Variants in OTOGL observed in about 807,000 individuals in gnomAD.
OTOGL encodes otogelin-like protein.
A neutral mutation model predicts 318.5 loss-of-function variants in OTOGL; 285 were observed. The observed-to-expected ratio is 0.89, with a 90% CI of 0.81 to 0.99. The LOEUF (loss-of-function observed/expected upper bound fraction) is 0.99. Among genes scored for constraint, OTOGL ranks in the 50% least tolerant of loss-of-function variants. OTOGL has a pLI of 0.00. For synonymous variants in OTOGL, 987 were observed against 936.5 expected, an observed-to-expected ratio of 1.05 and a Z score of -0.99; for missense variants, 2,899 against 2,845.6, an observed-to-expected ratio of 1.02 and a Z score of -0.43.
chr12:80,124,067 T>A (rs1302230416), intron 1 of OTOGL, among the ~76,000 whole-genome samples: 2 of 152,224 alleles, frequency 1.3e-5, no homozygotes, highest in Admixed American at 6.5e-5. Flanking sequence ...TCAATTTGGC[T>A]TTTATTGCCA....
intron 46 of OTOGL, 37 bp from the exon 47 acceptor site, chr12:80,355,699 A>C: frequency 6.5e-7 from 1 of 1,534,082 alleles, no homozygotes; most frequent in Non-Finnish European, 8.9e-7. Context: ...TTTAGTGCCC[A>C]GGTTTTGAGT....
Position 80,377,845 on chromosome 12 carries a change from C to G in OTOGL, c.6862-3C>G. Reference sequence around the variant, plus strand: ...CTTTTTTTCTCATTGTCACTTCTTACAGATAAATGTTGCATCTTGTGACGG... The same window carrying G: ...CTTTTTTTCTCATTGTCACTTCTTAGAGATAAATGTTGCATCTTGTGACGG... On this transcript the variant is annotated splice_region_variant and splice_polypyrimidine_tract_variant and intron_variant, in intron 58 of 58. Coordinates refer to ENST00000547103, the MANE Select transcript of OTOGL (RefSeq NM_001378609.3). 1 of 1,599,708 alleles carries G rather than the reference C, an allele frequency of 6.3e-7. No homozygotes were observed. Among genetic ancestry groups the G allele is most frequent in the Non-Finnish European group, 8.6e-7 (1 of 1,169,364 alleles).
intron 36 of OTOGL, 34 bp from the exon 37 acceptor site, chr12:80,329,017 C>A: frequency 6.5e-7 from 1 of 1,539,440 alleles, no homozygotes; most frequent in East Asian, 2.3e-5. Context: ...TATGCAAATA[C>A]AGTTTTATAA....
intron 5 of OTOGL, among the ~76,000 whole-genome samples, chr12:80,218,435 G>A (rs907363469): frequency 1.3e-5 from 2 of 152,142 alleles, no homozygotes; most frequent in African/African-American, 2.4e-5. Context: ...TCTTGCCTTC[G>A]GCAGAACTGT....
chr12:80,208,683 T>C (rs17006491), intron 1 of OTOGL, among the ~76,000 whole-genome samples: 5,613 of 152,258 alleles, frequency 0.037, 363 homozygotes, highest in African/African-American at 0.13. Context: ...TGGGTATTTG[T>C]CACAGAGGAT....
At chr12:80,239,093 C>G in intron 10 of OTOGL, 115 bp downstream of exon 10, 1 of 1,237,486 alleles carries the variant, frequency 8.1e-7, no homozygotes, top group Non-Finnish European at 1.1e-6. Flanking sequence ...AATATTATAT[C>G]CAGGAAATGT....
chr12:80,280,096 A>T (rs1884113589), intron 26 of OTOGL, among the ~76,000 whole-genome samples: 1 of 151,478 alleles, frequency 6.6e-6, no homozygotes, highest in Admixed American at 6.6e-5. Flanking sequence ...GCATGTATGT[A>T]TTCTTTTGAG....
chr12:80,273,228 T>A (rs2137595718), intron 24 of OTOGL, among the ~76,000 whole-genome samples: 1 of 152,244 alleles, frequency 6.6e-6, no homozygotes, highest in East Asian at 1.9e-4. Flanking sequence ...TTTGGAAATA[T>A]TTTATTAAGA....
intron 55 of OTOGL, among the ~76,000 whole-genome samples, chr12:80,369,508 C>T (rs1440423261): frequency 6.6e-6 from 1 of 152,026 alleles, no homozygotes; most frequent in Non-Finnish European, 1.5e-5. Context: ...GTGTCAACAT[C>T]CTGATTCAGA....
rs1200164807 is a variant in OTOGL, at chr12:80,267,303, T to C, written c.2441T>C (p.Leu814Pro). The C allele has an allele frequency of 6.4e-6, 10 of 1,558,492 alleles. No homozygotes were observed. The highest frequency in any genetic ancestry group is 8.8e-6 in the Non-Finnish European group (10 of 1,138,188). ...YRGSVYQPGE[L>P]IPTPSGLCQC... ...GGCAGTGTTTATCAACCTGGAGAGCTCATCCCCACACCCTCGGGCTTATGG... is the reference window on the plus strand; with the variant it reads ...GGCAGTGTTTATCAACCTGGAGAGCCCATCCCCACACCCTCGGGCTTATGG... Residue 814 changes from leucine to proline, a missense_variant, in exon 22 of 59, where the codon CTC (leucine) becomes CCC (proline). Leu to Pro is a moderately conservative substitution (Grantham distance 98). Around this residue, in one of 3 missense-constraint regions of OTOGL, gnomAD observed 2,607 missense variants for 2,524.9 expected, o/e 1.03. Transcript: ENST00000547103.
intron 18 of OTOGL, among the ~76,000 whole-genome samples, chr12:80,258,242 T>C (rs1421303611): frequency 6.6e-6 from 1 of 152,088 alleles, no homozygotes; most frequent in African/African-American, 2.4e-5. Context: ...TTAGCTCACA[T>C]GTAGTGGAGC....
At chr12:80,219,964 T>A (rs1878146994) in intron 6 of OTOGL, 52 bp downstream of exon 6, 1 of 1,317,830 alleles carries the variant, frequency 7.6e-7, no homozygotes, top group Admixed American at 2.0e-5. Context: ...AGGAGAAAAT[T>A]AAGGCATAAT....
chr12:80,106,363 G>A (rs1352658657), intron 1 of OTOGL, among the ~76,000 whole-genome samples: 2 of 152,148 alleles, frequency 1.3e-5, no homozygotes, highest in African/African-American at 4.8e-5. Context: ...CAAGTCACTA[G>A]ACTGGTAATC....
intron 46 of OTOGL, among the ~76,000 whole-genome samples, chr12:80,354,284 A>G (rs1215822961): frequency 6.6e-6 from 1 of 152,162 alleles, no homozygotes; most frequent in Non-Finnish European, 1.5e-5. Context: ...CTGCCATAGT[A>G]CAAGGCAGGA....
intron 1 of OTOGL, among the ~76,000 whole-genome samples, chr12:80,204,064 C>T (rs10778719): frequency 0.32 from 48,833 of 151,966 alleles, 8,034 homozygotes; most frequent in Middle Eastern, 0.41. Flanking sequence ...AACAATTTTG[C>T]ATGTAACTCA....
chr12:80,224,660 T>A (rs1033598870), intron 7 of OTOGL, among the ~76,000 whole-genome samples: 1 of 152,164 alleles, frequency 6.6e-6, no homozygotes, highest in Non-Finnish European at 1.5e-5. Context: ...CTTAAGTATT[T>A]TAATGTTTTT....
intron 17 of OTOGL, 61 bp downstream of exon 17, chr12:80,256,521 C>CAAACAAACAAACA: frequency 6.6e-7 from 1 of 1,511,398 alleles, no homozygotes; most frequent in East Asian, 2.4e-5. Flanking sequence ...AACAAACAAA[C>CAAACAAACAAACA]AACACACGCA....
chr12:80,131,052 C>A (rs575253056), intron 1 of OTOGL: 2 of 152,180 alleles, frequency 1.3e-5, no homozygotes, highest in Admixed American at 6.5e-5. Context: ...GCTGGAAGAT[C>A]AGGGTTGAGA....
At chr12:80,119,196 C>A (rs1055755296) in intron 1 of OTOGL, among the ~76,000 whole-genome samples, 1 of 152,200 alleles carries the variant, frequency 6.6e-6, no homozygotes, top group African/African-American at 2.4e-5. Context: ...GGGAGTGCAT[C>A]TTCCTAAGGC....
Sources: allele counts gnomAD v4.1 joint callset (sites outside exome capture counted in the v4.1 genomes callset), GRCh38; gene constraint gnomAD v4.1.1; regional missense constraint gnomAD v4.1.1; transcripts MANE v1.5; gene names NCBI Gene and HGNC (gene_info 2026-07-23, HGNC 2026-07-21).